Variants in FAM110B observed in about 807,000 individuals in gnomAD.
FAM110B encodes the protein family with sequence similarity 110 member B.
Under a neutral mutation model 20.4 loss-of-function variants are expected in FAM110B, and 6 were observed. That is an observed-to-expected ratio of 0.29 (90% CI 0.16 to 0.58). The LOEUF is 0.58. Among genes scored for constraint, FAM110B ranks in the 20% least tolerant of loss-of-function variants. The pLI is 0.90. For missense variants in FAM110B, 434 were observed against 498.2 expected (o/e 0.87, Z 1.23); for synonymous variants, 226 against 214.1 (o/e 1.06, Z -0.49).
chr8:58,000,841 TA>T (rs1405878192), intron 1 of FAM110B, among the ~76,000 whole-genome samples: 1 of 152,240 alleles, frequency 6.6e-6, no homozygotes, highest in Non-Finnish European at 1.5e-5. Context: ...AAAATTCCTT[TA>T]ATCTATCCCT....
chr8:58,125,800 G>A (rs954639296), intron 3 of FAM110B, among the ~76,000 whole-genome samples: 1 of 152,098 alleles, frequency 6.6e-6, no homozygotes, highest in Non-Finnish European at 1.5e-5. Context: ...AGCAGATTAT[G>A]GATCTCTGTC....
At chr8:58,057,203 A>G (rs1805563528) in intron 2 of FAM110B, among the ~76,000 whole-genome samples, 1 of 152,166 alleles carries the variant, frequency 6.6e-6, no homozygotes, top group Non-Finnish European at 1.5e-5. Context: ...GCACTTGGTC[A>G]CTACCCTCCT....
chr8:58,111,583 A>G (rs1807059263), intron 3 of FAM110B, among the ~76,000 whole-genome samples: 1 of 152,186 alleles, frequency 6.6e-6, no homozygotes, highest in East Asian at 1.9e-4. Flanking sequence ...GCAGCCGTGA[A>G]TCATCAATAA....
intron 3 of FAM110B, among the ~76,000 whole-genome samples, chr8:58,130,366 T>A (rs1260199609): frequency 1.3e-5 from 2 of 152,216 alleles, no homozygotes; most frequent in Non-Finnish European, 2.9e-5. Flanking sequence ...ATGGCACAGC[T>A]AAGGAACCTA....
chr8:58,128,652 T>C (rs1484480275), intron 3 of FAM110B, among the ~76,000 whole-genome samples: 1 of 152,202 alleles, frequency 6.6e-6, no homozygotes, highest in Non-Finnish European at 1.5e-5. Flanking sequence ...AGTATTTGTC[T>C]TTTGCCCTGC....
At chr8:58,058,056 C>G (rs1333046370) in intron 2 of FAM110B, among the ~76,000 whole-genome samples, 1 of 152,178 alleles carries the variant, frequency 6.6e-6, no homozygotes, top group Non-Finnish European at 1.5e-5. Context: ...CTGCATGTGG[C>G]TTTATTATTG....
chr8:58,066,546 C>T (rs1197894271), intron 2 of FAM110B, among the ~76,000 whole-genome samples: 2 of 152,052 alleles, frequency 1.3e-5, no homozygotes, highest in Non-Finnish European at 2.9e-5. Context: ...ACACTCTTCA[C>T]AAAAAAAGAA....
At chr8:58,114,347 T>C (rs1328970607) in intron 3 of FAM110B, among the ~76,000 whole-genome samples, 1 of 152,222 alleles carries the variant, frequency 6.6e-6, no homozygotes, top group Non-Finnish European at 1.5e-5. Context: ...ACAAATAATA[T>C]ACTTCCCTGA....
At chr8:58,048,857 G>T (rs1805382865) in intron 2 of FAM110B, among the ~76,000 whole-genome samples, 1 of 152,146 alleles carries the variant, frequency 6.6e-6, no homozygotes, top group South Asian at 2.1e-4. Context: ...TTCAGTGGTA[G>T]AATTTGAAAA....
intron 3 of FAM110B, among the ~76,000 whole-genome samples, chr8:58,087,828 A>G (rs1469780208): frequency 1.3e-5 from 2 of 152,198 alleles, no homozygotes; most frequent in African/African-American, 2.4e-5. Context: ...CTGATCCTCA[A>G]AGTTTTTATT....
chr8:58,115,554 TG>T (rs1427612913), intron 3 of FAM110B, among the ~76,000 whole-genome samples: 1 of 152,020 alleles, frequency 6.6e-6, no homozygotes, highest in Non-Finnish European at 1.5e-5. Flanking sequence ...CCACCACGCC[TG>T]GCTAATTTTT....
At chr8:57,995,034 G>GGGGAGGCGCAGCGCCGCTGCCTGCCCC (rs1804153094) in intron 1 of FAM110B, among the ~76,000 whole-genome samples, 2 of 152,170 alleles carry the variant, frequency 1.3e-5, no homozygotes, top group East Asian at 3.9e-4. Flanking sequence ...TGGGCTGCCG[G>GGGGAGGCGCAGCGCCGCTGCCTGCCCC]GGGAGGCGCA....
intron 1 of FAM110B, among the ~76,000 whole-genome samples, chr8:58,007,702 G>A (rs1179211289): frequency 6.6e-6 from 1 of 152,180 alleles, no homozygotes; most frequent in East Asian, 1.9e-4. Flanking sequence ...TGGGAACCAG[G>A]AAGGGGACCC....
intron 3 of FAM110B, among the ~76,000 whole-genome samples, chr8:58,123,042 G>T (rs1485958435): frequency 6.6e-6 from 1 of 152,170 alleles, no homozygotes; most frequent in Non-Finnish European, 1.5e-5. Flanking sequence ...CCTGTGTTCT[G>T]TTCCTTGCCT....
intron 2 of FAM110B, among the ~76,000 whole-genome samples, chr8:58,057,818 T>A (rs1354374135): frequency 6.6e-6 from 1 of 152,266 alleles, no homozygotes; most frequent in East Asian, 1.9e-4. Flanking sequence ...TAATGCCTTT[T>A]GGCATGGGAC....
chr8:58,114,844 A>G (rs1405104802), intron 3 of FAM110B, among the ~76,000 whole-genome samples: 1 of 152,154 alleles, frequency 6.6e-6, no homozygotes, highest in South Asian at 2.1e-4. Context: ...CTGCTGAAGG[A>G]CATTCAGCTA....
chr8:58,128,899 G>T (rs1265533073), intron 3 of FAM110B, among the ~76,000 whole-genome samples: 2 of 151,982 alleles, frequency 1.3e-5, no homozygotes, highest in South Asian at 2.1e-4. Flanking sequence ...GTCAGTTTTA[G>T]CCTGCTAAAA....
In FAM110B at chr8:58,146,520, C is replaced by T. The variant is rs556320056; in HGVS notation, c.290C>T (p.Thr97Met). The T allele has an allele frequency of 8.1e-6, 13 of 1,613,890 alleles. No homozygotes were observed. Among genetic ancestry groups the T allele is most frequent in the African/African-American group, 4.0e-5 (3 of 75,042 alleles). ...PAAKRALGSP[T>M]LKVFGNHAKT... ...GCCAAGCGCGCACTGGGCAGCCCCA[C>T]GCTCAAAGTGTTCGGCAACCACGCC... Residue 97 changes from threonine (T) to methionine (M), a missense_variant, in exon 4 of 4, where the codon ACG becomes ATG. By Grantham distance (81) the Thr-to-Met change is moderately conservative. Transcript: ENST00000519262.
chr8:57,999,534 A>G (rs1041475009), intron 1 of FAM110B, among the ~76,000 whole-genome samples: 19 of 151,720 alleles, frequency 1.3e-4, no homozygotes, highest in African/African-American at 4.4e-4. Flanking sequence ...TTTTTGTCCC[A>G]TTAACTGGAA....
Sources: allele counts gnomAD v4.1 joint callset (sites outside exome capture counted in the v4.1 genomes callset), GRCh38; gene constraint gnomAD v4.1.1; transcripts MANE v1.5; gene names NCBI Gene and HGNC (gene_info 2026-07-23, HGNC 2026-07-21).